The following YY1 variants were observed in gnomAD, a reference collection of about 807,000 sequenced individuals.
The protein encoded by YY1 is YY1 transcription factor.
YY1 carries 2 observed loss-of-function variants against 35.6 expected under a neutral mutation model. The ratio of observed to expected loss-of-function variants is 0.06; its 90% confidence interval spans 0.02 to 0.18. The LOEUF (loss-of-function observed/expected upper bound fraction) is 0.18, where lower values mean the gene tolerates loss of function less well. Among genes scored for constraint, YY1 ranks in the 10% least tolerant of loss-of-function variants. YY1 has a pLI of 1.00. For missense variants in YY1, 322 were observed against 573.4 expected (o/e 0.56, Z 4.48); for synonymous variants, 268 against 238.9 (o/e 1.12, Z -1.12).
chr14:100,242,788 G>A (rs1426259929), intron 1 of YY1, among the ~76,000 whole-genome samples: 1 of 151,716 alleles, frequency 6.6e-6, no homozygotes, highest in Non-Finnish European at 1.5e-5. Context: ...TTGCTCTGTT[G>A]CCCAGGCTGG....
chr14:100,260,848 C>T (rs982564400), intron 1 of YY1, among the ~76,000 whole-genome samples: 10 of 106,962 alleles, frequency 9.3e-5, no homozygotes, highest in East Asian at 2.9e-4. Context: ...GTTGCAGTGA[C>T]GCAGTGACGT....
intron 2 of YY1, among the ~76,000 whole-genome samples, chr14:100,271,812 CT>C (rs1312024674): frequency 6.6e-6 from 1 of 152,102 alleles, no homozygotes; most frequent in South Asian, 2.1e-4. Flanking sequence ...GCCTGGCTAA[CT>C]TTTTATTTTT....
chr14:100,254,085 C>T (rs1890965247), intron 1 of YY1, among the ~76,000 whole-genome samples: 1 of 152,140 alleles, frequency 6.6e-6, no homozygotes, highest in Non-Finnish European at 1.5e-5. Flanking sequence ...ATCCACCCGC[C>T]TCGGCCTCTC....
At chr14:100,264,448 A>C (rs1891125830) in intron 2 of YY1, among the ~76,000 whole-genome samples, 1 of 152,146 alleles carries the variant, frequency 6.6e-6, no homozygotes, top group Admixed American at 6.5e-5. Context: ...AAATGATTAT[A>C]GACGTGAGCC....
At chr14:100,271,868 A>G (rs1353815597) in intron 2 of YY1, among the ~76,000 whole-genome samples, 1 of 152,050 alleles carries the variant, frequency 6.6e-6, no homozygotes, top group Non-Finnish European at 1.5e-5. Context: ...GTTATACAGT[A>G]TTTTAAATAA....
intron 2 of YY1, among the ~76,000 whole-genome samples, chr14:100,267,332 A>G (rs1891169728): frequency 6.6e-6 from 1 of 152,214 alleles, no homozygotes; most frequent in Admixed American, 6.5e-5. Context: ...GTTGAGCCCC[A>G]CAGTAAATAA....
chr14:100,243,375 A>G (rs543879318), intron 1 of YY1, among the ~76,000 whole-genome samples: 11 of 152,226 alleles, frequency 7.2e-5, no homozygotes, highest in Non-Finnish European at 1.6e-4. Flanking sequence ...TTTGGAATGA[A>G]CTGTGAAGTA....
chr14:100,242,066 G>T (rs913611198), intron 1 of YY1, among the ~76,000 whole-genome samples: 1 of 151,338 alleles, frequency 6.6e-6, no homozygotes, highest in Non-Finnish European at 1.5e-5. Context: ...TTCAGAATAC[G>T]ATTTGAAATA....
intron 2 of YY1, among the ~76,000 whole-genome samples, chr14:100,272,079 G>A (rs1891246712): frequency 6.6e-6 from 1 of 151,988 alleles, no homozygotes; most frequent in African/African-American, 2.4e-5. Context: ...GGCGGATCAC[G>A]AGGTCAGGAG....
rs553858335 is a variant in YY1 at position 100,258,816 on chromosome 14, A to T, written c.680-3488A>T. Among the ~76,000 whole-genome samples the T allele has an allele frequency of 1.4e-4, 22 of 152,396 alleles. No homozygotes were observed. In the South Asian group the frequency reaches 4.6e-3, roughly 32 times the overall value. Reference sequence around the variant, plus strand: ...AATGAAGAGTGGTGGAATTAGAGTCATGTAAAGTTTACAATTGTATTCAGT... The same window carrying T: ...AATGAAGAGTGGTGGAATTAGAGTCTTGTAAAGTTTACAATTGTATTCAGT... On this transcript the variant is annotated intron_variant, in intron 1 of 4. Coordinates refer to ENST00000262238, the MANE Select transcript of YY1 (RefSeq NM_003403.5).
Position 100,239,328 on chromosome 14 carries a change from G to A in YY1, c.84G>A (p.Val28=), listed in dbSNP as rs771561982. 1.0e-5 allele frequency: 16 copies of A among 1,605,198 alleles called. No individual in the cohort carries two copies. In the East Asian group the frequency reaches 2.2e-4, roughly 23 times the overall value. The change falls in exon 1 of 5, where the codon GTG becomes GTA. Residue 28 remains valine (V), a synonymous_variant. Transcript: ENST00000262238. ...TCGTGGAGCTGCACGAGATCGAGGT[G>A]GAGACCATCCCGGTGGAGACCATCG... is the stretch of plus-strand genomic sequence containing the variant. The part of the protein sequence containing the change: ...AEIVELHEIE[V]ETIPVETIET...
intron 2 of YY1, among the ~76,000 whole-genome samples, chr14:100,265,847 C>A (rs1258769746): frequency 6.6e-6 from 1 of 152,060 alleles, no homozygotes; most frequent in Non-Finnish European, 1.5e-5. Context: ...CAAGGTTTCA[C>A]CATCTTGGCC....
chr14:100,265,137 G>A (rs1456534678), intron 2 of YY1, among the ~76,000 whole-genome samples: 1 of 152,118 alleles, frequency 6.6e-6, no homozygotes, highest in Non-Finnish European at 1.5e-5. Context: ...CAGCACTTTG[G>A]GAGGCTGAGG....
intron 1 of YY1, among the ~76,000 whole-genome samples, chr14:100,260,167 C>T (rs1434440124): frequency 6.6e-6 from 1 of 152,076 alleles, no homozygotes; most frequent in Non-Finnish European, 1.5e-5. Context: ...ACCTCCACTT[C>T]CCGGGTTTAA....
chr14:100,245,803 C>T (rs1042995198), intron 1 of YY1, among the ~76,000 whole-genome samples: 3 of 151,962 alleles, frequency 2.0e-5, no homozygotes, highest in Non-Finnish European at 4.4e-5. Flanking sequence ...GTCTGGGTTT[C>T]TCCATGTTGG....
At chr14:100,241,829 C>T (rs1890747907) in intron 1 of YY1, among the ~76,000 whole-genome samples, 1 of 152,004 alleles carries the variant, frequency 6.6e-6, no homozygotes, top group South Asian at 2.1e-4. Context: ...TAAAAATTAG[C>T]CAGGCGTGAT....
intron 2 of YY1, among the ~76,000 whole-genome samples, chr14:100,272,494 CAGATTATA>C (rs1271721428): frequency 6.6e-6 from 1 of 151,980 alleles, no homozygotes; most frequent in Non-Finnish European, 1.5e-5. Context: ...ATCCTTTTCC[CAGATTATA>C]AGTGAAGAAG....
rs566067601 is a variant in YY1, at chr14:100,279,626, C to T, written c.*2026C>T. ...GTGGAGGTCTTCAGTGCCGAGGGCT[C>T]GGATGAGAACGTGTAGTTCTTTGAC... is the stretch of plus-strand genomic sequence containing the variant. On this transcript the variant is annotated 3_prime_UTR_variant, in exon 5 of 5. Transcript: ENST00000262238. 1 of 152,222 alleles carries T rather than the reference C, an allele frequency of 6.6e-6. No individual in the cohort carries two copies. Among genetic ancestry groups the T allele is most frequent in the African/African-American group, 2.4e-5 (1 of 41,442 alleles). 9.4% of individuals were successfully genotyped at this position (152,222 alleles called of 1,614,324 possible).
chr14:100,260,240 C>CT (rs1229980022), intron 1 of YY1, among the ~76,000 whole-genome samples: 8 of 151,718 alleles, frequency 5.3e-5, no homozygotes, highest in Non-Finnish European at 1.2e-4. Context: ...CCACACCTGG[C>CT]TAATTTTTGT....
Sources: gnomAD v4.1 joint callset for allele counts (sites outside exome capture counted in the v4.1 genomes callset) on GRCh38, gnomAD v4.1.1 for gene constraint, MANE v1.5 for transcripts, NCBI Gene and HGNC (gene_info 2026-07-23, HGNC 2026-07-21) for gene names.